CASK: variants seen among roughly 807,000 people sequenced by gnomAD.
The protein encoded by CASK is calcium/calmodulin dependent serine protein kinase, also known as peripheral plasma membrane protein CASK.
Under a neutral mutation model 82.9 loss-of-function variants are expected in CASK, and 4 were observed. That is an observed-to-expected ratio of 0.05 (90% CI 0.02 to 0.11). The LOEUF (loss-of-function observed/expected upper bound fraction) is 0.11, where lower values mean the gene tolerates loss of function less well. CASK is among the 10% of genes least tolerant of loss of function. CASK has a pLI of 1.00. For synonymous variants in CASK, 259 were observed against 253.5 expected, an observed-to-expected ratio of 1.02 and a Z score of -0.20; for missense variants, 358 against 720.9, an observed-to-expected ratio of 0.50 and a Z score of 5.76.
chrX:41,563,380 A>G (rs1174265354), intron 16 of CASK, among the ~76,000 whole-genome samples: 3 of 106,310 alleles, frequency 2.8e-5, no homozygotes, highest in African/African-American at 1.0e-4. Flanking sequence ...AAAAAAAAAA[A>G]GACTGGAAAT....
intron 17 of CASK, among the ~76,000 whole-genome samples, chrX:41,561,130 A>G (rs2065222559): frequency 9.0e-6 from 1 of 111,132 alleles, no homozygotes; most frequent in Admixed American, 9.6e-5. Context: ...GGCCTGGTCT[A>G]CCGTGGCTTT....
At chrX:41,599,241 G>A (rs1206268382) in intron 12 of CASK, among the ~76,000 whole-genome samples, 1 of 111,946 alleles carries the variant, frequency 8.9e-6, no homozygotes, top group Non-Finnish European at 1.9e-5. Context: ...GGTGTTCCGG[G>A]AAAGCTTTAG....
At chrX:41,699,912 C>G (rs1027520622) in intron 5 of CASK, among the ~76,000 whole-genome samples, 1 of 111,463 alleles carries the variant, frequency 9.0e-6, no homozygotes, top group Admixed American at 9.6e-5. Flanking sequence ...TCTTACTAAG[C>G]ATTAGTATTT....
At chrX:41,722,058 T>C (rs1226845925) in intron 5 of CASK, among the ~76,000 whole-genome samples, 1 of 112,348 alleles carries the variant, frequency 8.9e-6, no homozygotes, top group East Asian at 2.8e-4. Context: ...GAAACTCCAA[T>C]AAGTATTTGT....
chrX:41,805,513 G>C (rs1331586032), intron 2 of CASK, among the ~76,000 whole-genome samples: 3 of 111,835 alleles, frequency 2.7e-5, no homozygotes, highest in Non-Finnish European at 5.6e-5. Context: ...CCTTCTCTAA[G>C]AAAACTAGAC....
At chrX:41,612,620 C>G (rs2066097117) in intron 11 of CASK, among the ~76,000 whole-genome samples, 1 of 94,516 alleles carries the variant, frequency 1.1e-5, no homozygotes, top group Admixed American at 1.1e-4. Flanking sequence ...AGGAGCCCCT[C>G]TGCCCGGCCA....
At chrX:41,743,692 T>C in intron 4 of CASK, 1 of 297,700 alleles carries the variant, frequency 3.4e-6, no homozygotes, top group Non-Finnish European at 5.9e-6. Flanking sequence ...CAAAGCTGTA[T>C]TAAGGTGGTC....
At chrX:41,535,577 C>T (rs2064863300) in intron 22 of CASK, among the ~76,000 whole-genome samples, 1 of 110,243 alleles carries the variant, frequency 9.1e-6, no homozygotes, top group African/African-American at 3.3e-5. Flanking sequence ...ACAAGCTTTA[C>T]TGTAACCCAG....
intron 1 of CASK, among the ~76,000 whole-genome samples, chrX:41,915,164 C>T (rs1049661044): frequency 2.7e-5 from 3 of 111,181 alleles, no homozygotes; most frequent in African/African-American, 9.8e-5. Context: ...CCCCCAAGAA[C>T]TTGTTCACTC....
intron 26 of CASK, 110 bp from the exon 27 acceptor site, chrX:41,520,706 T>C (rs2064624963): frequency 1.4e-6 from 1 of 701,320 alleles, no homozygotes; most frequent in African/African-American, 2.1e-5. Flanking sequence ...TTCATCCCAG[T>C]GTCAGAAACA....
Position 41,761,793 on chromosome X carries a change from A to C in CASK, c.279-16192T>G, listed in dbSNP as rs577550909. On this transcript the variant is annotated intron_variant, in intron 3 of 26. Coordinates refer to ENST00000378163, the MANE Select transcript of CASK (RefSeq NM_001367721.1). ...ATAACATCATGAGCAATTTGCAAACAACCACAAAACTCTTTACATAGACAA... is the reference window on the plus strand; with the variant it reads ...ATAACATCATGAGCAATTTGCAAACCACCACAAAACTCTTTACATAGACAA... Among the ~76,000 whole-genome samples, 7 of 112,359 alleles carry C rather than the reference A, an allele frequency of 6.2e-5. No homozygotes were observed. In the South Asian group the frequency reaches 1.8e-3, roughly 29 times the overall value.
chrX:41,919,971 G>C (rs1403631904), intron 1 of CASK, among the ~76,000 whole-genome samples: 1 of 111,540 alleles, frequency 9.0e-6, no homozygotes, highest in African/African-American at 3.3e-5. Flanking sequence ...TCAACCAAGG[G>C]GGAAAAAAAC....
intron 12 of CASK, among the ~76,000 whole-genome samples, chrX:41,603,525 C>T (rs187158314): frequency 6.2e-5 from 7 of 112,139 alleles, no homozygotes; most frequent in Non-Finnish European, 1.3e-4. Context: ...CAGTTAATTG[C>T]TAATGCAATA....
chrX:41,560,005 C>T (rs1212263908), intron 17 of CASK, among the ~76,000 whole-genome samples, 158 bp from the exon 18 acceptor site: 2 of 112,427 alleles, frequency 1.8e-5, no homozygotes, highest in Non-Finnish European at 3.8e-5. Context: ...GCAGGGACTG[C>T]TCGAGTTAAC....
intron 25 of CASK, among the ~76,000 whole-genome samples, chrX:41,525,920 T>C (rs924036512): frequency 1.8e-5 from 2 of 112,013 alleles, no homozygotes; most frequent in African/African-American, 6.5e-5. Context: ...ATTGTATTTA[T>C]CCATCAAAGT....
intron 1 of CASK, among the ~76,000 whole-genome samples, chrX:41,901,774 A>G (rs903377414): frequency 3.6e-5 from 4 of 112,000 alleles, no homozygotes; most frequent in African/African-American, 6.5e-5. Context: ...CTGGGCATGC[A>G]GGGCAGGCCT....
intron 26 of CASK, among the ~76,000 whole-genome samples, chrX:41,523,471 G>A (rs2064666853): frequency 8.9e-6 from 1 of 112,672 alleles, no homozygotes; most frequent in South Asian, 3.6e-4. Flanking sequence ...CAGAAGATAG[G>A]CACTGCTACA....
At chrX:41,550,129 C>T (rs968479102) in intron 21 of CASK, among the ~76,000 whole-genome samples, 1 of 111,926 alleles carries the variant, frequency 8.9e-6, no homozygotes, top group African/African-American at 3.2e-5. Context: ...CCACTGCACT[C>T]CAGCCTGGGT....
At chrX:41,643,263 T>A in intron 8 of CASK, among the ~76,000 whole-genome samples, 2 of 111,940 alleles carry the variant, frequency 1.8e-5, no homozygotes, top group Middle Eastern at 4.6e-3. Flanking sequence ...GCGGGCTCTT[T>A]TTTGGGTCCA....
Sources: allele counts gnomAD v4.1 joint callset (sites outside exome capture counted in the v4.1 genomes callset), GRCh38; gene constraint gnomAD v4.1.1; transcripts MANE v1.5; gene names NCBI Gene and HGNC (gene_info 2026-07-23, HGNC 2026-07-21).